MICU3: variants seen among roughly 807,000 people sequenced by gnomAD.
MICU3 encodes calcium uptake protein 3, mitochondrial.
Under a neutral mutation model 66.5 loss-of-function variants are expected in MICU3, and 62 were observed. The ratio of observed to expected loss-of-function variants is 0.93; its 90% confidence interval spans 0.76 to 1.15. MICU3 has a LOEUF of 1.15. MICU3 is among the 50% of genes most tolerant of loss of function. The pLI is 0.00. For synonymous variants in MICU3, 308 were observed against 240.7 expected, an observed-to-expected ratio of 1.28 and a Z score of -2.59; for missense variants, 779 against 664.4, an observed-to-expected ratio of 1.17 and a Z score of -1.90.
intron 5 of MICU3, among the ~76,000 whole-genome samples, chr8:17,084,779 T>C (rs2150736797): frequency 6.6e-6 from 1 of 152,270 alleles, no homozygotes; most frequent in African/African-American, 2.4e-5. Context: ...TTTTGAAGCC[T>C]CTAGAAGTTT....
At chr8:17,063,359 C>T (rs1433037428) in intron 1 of MICU3, among the ~76,000 whole-genome samples, 1 of 151,988 alleles carries the variant, frequency 6.6e-6, no homozygotes, top group Non-Finnish European at 1.5e-5. Flanking sequence ...TTATACTTAA[C>T]AAATTTTTTA....
chr8:17,028,122 T>C (rs1811346341), intron 1 of MICU3, among the ~76,000 whole-genome samples: 1 of 152,170 alleles, frequency 6.6e-6, no homozygotes. Flanking sequence ...TGAGAATTTA[T>C]TAGTCCCAAG....
chr8:17,054,253 A>G (rs1005748384), intron 1 of MICU3, among the ~76,000 whole-genome samples: 1 of 152,194 alleles, frequency 6.6e-6, no homozygotes. Context: ...TACATTTACT[A>G]GGTAATATTT....
chr8:17,056,957 A>G (rs1817039544), intron 1 of MICU3, among the ~76,000 whole-genome samples: 2 of 152,270 alleles, frequency 1.3e-5, no homozygotes, highest in Non-Finnish European at 2.9e-5. Context: ...TGGCCATGGC[A>G]GAGACCATTA....
At chr8:17,074,284 T>G (rs1026756480) in intron 3 of MICU3, among the ~76,000 whole-genome samples, 4 of 152,086 alleles carry the variant, frequency 2.6e-5, no homozygotes, top group African/African-American at 9.7e-5. Flanking sequence ...TAAAAATTTG[T>G]TTTTATTTTC....
chr8:17,069,840 G>A (rs1819282501), intron 3 of MICU3, 121 bp downstream of exon 3: 1 of 309,786 alleles, frequency 3.2e-6, no homozygotes, highest in Non-Finnish European at 5.5e-6. Context: ...TGATTTTTTG[G>A]CAAATCAAAT....
At position 17,055,773 on chromosome 8, in the gene MICU3, T is replaced by A. The variant is rs554683178; in HGVS notation, c.382-8311T>A. Among the ~76,000 whole-genome samples, 10 of 152,304 alleles carry A rather than the reference T, an allele frequency of 6.6e-5. No individual in the cohort carries two copies. In the East Asian group the frequency reaches 1.9e-3, roughly 29 times the overall value. ...GTCCTAGTACGTTCTCTTGGGGCTCTTATGTGAGAAAGAAAGACACACACT... is the reference window on the plus strand; with the variant it reads ...GTCCTAGTACGTTCTCTTGGGGCTCATATGTGAGAAAGAAAGACACACACT... On this transcript the variant is annotated intron_variant, in intron 1 of 14. Transcript: ENST00000318063.
rs1213434414 is a variant in MICU3 at position 17,105,441 on chromosome 8, C to G, written c.1114C>G (p.Leu372Val). The G allele has an allele frequency of 6.4e-7, 1 of 1,560,522 alleles. No individual in the cohort carries two copies. Among genetic ancestry groups the G allele is most frequent in the Non-Finnish European group, 8.7e-7 (1 of 1,150,190 alleles). ...CATGGATAATCTCCAAACAGAAGTT[C>G]TAGAAATAGAATTCCTTTCCTACTC... Reference protein sequence around the residue: ...RFMDNLQTEVLEIEFLSYSNG... With the variant: ...RFMDNLQTEVVEIEFLSYSNG... Residue 372 changes from leucine to valine, a missense_variant, in exon 11 of 15, where the codon CTA (leucine) becomes GTA (valine). Transcript: ENST00000318063.
chr8:17,066,518 T>C (rs1369908764), intron 2 of MICU3, among the ~76,000 whole-genome samples: 14 of 13,404 alleles, frequency 1.0e-3, no homozygotes, highest in Admixed American at 4.5e-3. Flanking sequence ...GTTAATAATC[T>C]ATATATATAT....
intron 1 of MICU3, among the ~76,000 whole-genome samples, chr8:17,060,908 C>G (rs188321578): frequency 7.6e-4 from 115 of 151,260 alleles, no homozygotes; most frequent in South Asian, 2.9e-3. Flanking sequence ...ATACCATTGT[C>G]AAAAGCCCCA....
At chr8:17,054,999 A>T (rs1816702117) in intron 1 of MICU3, among the ~76,000 whole-genome samples, 1 of 152,064 alleles carries the variant, frequency 6.6e-6, no homozygotes. Context: ...AGCCTCCTAA[A>T]GTGCTGGGAT....
chr8:17,068,267 G>C (rs1819023870), intron 2 of MICU3, among the ~76,000 whole-genome samples: 1 of 151,998 alleles, frequency 6.6e-6, no homozygotes, highest in Non-Finnish European at 1.5e-5. Flanking sequence ...TATTTAAAAA[G>C]ATAATAGTAT....
chr8:17,094,285 T>A (rs1439826388), intron 8 of MICU3, among the ~76,000 whole-genome samples: 1 of 152,032 alleles, frequency 6.6e-6, no homozygotes, highest in African/African-American at 2.4e-5. Context: ...TGGTCTGTGA[T>A]CCCATTACAT....
chr8:17,103,693 C>T (rs373321273), intron 9 of MICU3, among the ~76,000 whole-genome samples: 39 of 151,750 alleles, frequency 2.6e-4, no homozygotes, highest in African/African-American at 9.0e-4. Context: ...TATAACCAAG[C>T]AGTTTTAAGA....
intron 2 of MICU3, among the ~76,000 whole-genome samples, chr8:17,068,046 A>C (rs1818989022): frequency 6.6e-6 from 1 of 152,124 alleles, no homozygotes; most frequent in African/African-American, 2.4e-5. Flanking sequence ...AATTATTTTA[A>C]TTTAGATTTT....
intron 1 of MICU3, among the ~76,000 whole-genome samples, chr8:17,043,780 G>C (rs1433923306): frequency 6.6e-6 from 1 of 152,172 alleles, no homozygotes; most frequent in Non-Finnish European, 1.5e-5. Flanking sequence ...TCAAGTAAGA[G>C]TTTTGATTCA....
At chr8:17,134,746 A>G in the MICU3 span, among the ~76,000 whole-genome samples, 1 of 152,162 alleles carries the variant, frequency 6.6e-6, no homozygotes, top group Non-Finnish European at 1.5e-5. Context: ...ACTGGCCGAA[A>G]GTCAGCCTTT....
At chr8:17,058,294 C>T (rs78543939) in intron 1 of MICU3, among the ~76,000 whole-genome samples, 5,703 of 151,898 alleles carry the variant, frequency 0.038, 163 homozygotes, top group Non-Finnish European at 0.057. Context: ...TCTAGGTAAG[C>T]AAAAAAGGTA....
At chr8:17,088,938 A>G (rs1400297074) in intron 7 of MICU3, among the ~76,000 whole-genome samples, 1 of 152,026 alleles carries the variant, frequency 6.6e-6, no homozygotes, top group Non-Finnish European at 1.5e-5. Context: ...CATCTGAATT[A>G]TATAATCTAA....
Sources: allele counts gnomAD v4.1 joint callset (sites outside exome capture counted in the v4.1 genomes callset), GRCh38; gene constraint gnomAD v4.1.1; transcripts MANE v1.5; gene names NCBI Gene and HGNC (gene_info 2026-07-23, HGNC 2026-07-21).